Variants in WDR81 observed in about 807,000 individuals in gnomAD.
WDR81 encodes WD repeat domain 81, also known as WD repeat-containing protein 81.
WDR81 carries 92 observed loss-of-function variants against 140.8 expected under a neutral mutation model. The observed-to-expected ratio is 0.65, with a 90% confidence interval of 0.55 to 0.78. The LOEUF (loss-of-function observed/expected upper bound fraction) is 0.78. Among genes scored for constraint, WDR81 ranks in the 30% least tolerant of loss-of-function variants. The probability of loss-of-function intolerance (pLI) is 0.00; values close to 1 mark genes in which losing one functional copy is unlikely to be tolerated. For missense variants in WDR81, 2,502 were observed against 2,636.4 expected (o/e 0.95, Z 1.12); for synonymous variants, 1,183 against 1,156.4 (o/e 1.02, Z -0.47).
rs2151164289 is a variant in WDR81 at position 1,727,581 on chromosome 17, A to T, written c.2622A>T (p.Pro874=). 5 of 1,550,200 alleles carry T rather than the reference A, an allele frequency of 3.2e-6. No homozygotes were observed. The highest frequency in any genetic ancestry group is 1.4e-5 in the African/African-American group (1 of 73,088). Residue 874 remains proline, a synonymous_variant, in exon 1 of 10, where the codon CCA becomes CCT. Coordinates refer to ENST00000409644, the MANE Select transcript of WDR81 (RefSeq NM_001163809.2). ...LSPFSSVVPF[P]PYFPALHRFI... is the part of the protein sequence containing the mutation. ...CCTTCAGCTCCGTGGTTCCCTTCCC[A>T]CCCTACTTCCCGGCACTGCACAGAT...
chr17:1,735,813 C>G lies in WDR81; in HGVS notation c.5325+96C>G. 1 of 1,488,378 alleles carries G rather than the reference C, an allele frequency of 6.7e-7. No homozygotes were observed. The highest frequency in any genetic ancestry group is 9.0e-7 in the Non-Finnish European group (1 of 1,109,580). The allele number at this position is 1,488,378 out of a possible 1,614,324, so 92.2% of individuals were successfully genotyped here. A position where few individuals can be genotyped will look rare whatever the true frequency, so the allele number is the denominator to read the frequency against. On this transcript the variant is annotated intron_variant, in intron 8 of 9. Coordinates refer to ENST00000409644, the MANE Select transcript of WDR81 (RefSeq NM_001163809.2). The surrounding 1 kb of genome is among the most constrained non-coding windows in gnomAD (Gnocchi z 4.2). ...AAAAACAGAAAGCCAGGATGTTGTT[C>G]TGGGGCCCTAGTTAGTTTCTCTTTG...
In WDR81 at chr17:1,737,764, A is replaced by C; in HGVS notation, c.*79A>C. 1 of 1,480,228 alleles carries C rather than the reference A, an allele frequency of 6.8e-7. No homozygotes were observed. Among genetic ancestry groups the C allele is most frequent in the Admixed American group, 2.2e-5 (1 of 46,198 alleles). 91.7% of individuals were successfully genotyped at this position (1,480,228 alleles called of 1,614,324 possible). ...CCACTCACCCTGTTCCCTGAGCAGC[A>C]GCTCCCTCCAGGGAGGCCCTGGGTC... is the stretch of plus-strand genomic sequence containing the variant. On this transcript the variant is annotated 3_prime_UTR_variant, in exon 10 of 10. Transcript: ENST00000409644.
Position 1,732,894 on chromosome 17 carries a change from A to G in WDR81, c.4489+63A>G. 2.0e-6 allele frequency: 3 copies of G among 1,535,046 alleles called. No individual in the cohort carries two copies. The South Asian group carries it at 3.8e-5, about 19-fold the overall frequency. On this transcript the variant is annotated intron_variant, in intron 6 of 9. Coordinates refer to ENST00000409644, the MANE Select transcript of WDR81 (RefSeq NM_001163809.2). ...GCTGTCTCCTCCCTTGGGAGGCCCC[A>G]TTCTCTGCCCTTGCCCCAGAGTCAG...
In WDR81 at chr17:1,728,463, G is replaced by A. The variant is rs747606152; in HGVS notation, c.3504G>A (p.Glu1168=). The A allele has an allele frequency of 1.9e-6, 3 of 1,610,494 alleles. No homozygotes were observed. Among genetic ancestry groups the A allele is most frequent in the Non-Finnish European group, 1.7e-6 (2 of 1,177,926 alleles). ...EEDSCVVLEE[E]EGEQEEVTGA... ...ACAGCTGCGTGGTGCTAGAGGAGGA[G>A]GAGGGGGAGCAGGAGGAGGTCACCG... Residue 1168 remains glutamate, a synonymous_variant, in exon 1 of 10, where the codon GAG becomes GAA. Transcript: ENST00000409644.
Position 1,725,609 on chromosome 17 carries a change from G to C in WDR81, c.650G>C (p.Ser217Thr). 6.5e-7 allele frequency: 1 copy of C among 1,545,332 alleles called. No individual in the cohort carries two copies. The highest frequency in any genetic ancestry group is 8.7e-7 in the Non-Finnish European group (1 of 1,146,966). The change falls in exon 1 of 10, where the codon AGT becomes ACT. Residue 217 changes from serine (S) to threonine (T), a missense_variant. Coordinates refer to ENST00000409644, the MANE Select transcript of WDR81 (RefSeq NM_001163809.2). Reference sequence around the variant, plus strand: ...CCTCGGGGCAGCCCTGCTTGCCCTAGTCTTTTACGGGCTGAGGCCTTGCTG... The same window carrying C: ...CCTCGGGGCAGCCCTGCTTGCCCTACTCTTTTACGGGCTGAGGCCTTGCTG... ...CPPRGSPACPSLLRAEALLES... is the reference protein window; with the variant it reads ...CPPRGSPACPTLLRAEALLES...
In WDR81 at chr17:1,727,533, C is replaced by G; in HGVS notation, c.2574C>G (p.Pro858=). 6.4e-7 allele frequency: 1 copy of G among 1,550,444 alleles called. No individual in the cohort carries two copies. The highest frequency in any genetic ancestry group is 8.7e-7 in the Non-Finnish European group (1 of 1,147,000). Residue 858 remains proline, a synonymous_variant, in exon 1 of 10, where the codon CCC becomes CCG. Transcript: ENST00000409644. ...YRPVSQGLPP[P]CPSQLLSPFS... is the part of the protein sequence containing the mutation. ...CTGTCTCCCAGGGCCTGCCCCCACCCTGCCCAAGCCAGCTTCTCAGCCCCT... is the reference window on the plus strand; with the variant it reads ...CTGTCTCCCAGGGCCTGCCCCCACCGTGCCCAAGCCAGCTTCTCAGCCCCT...
intron 1 of WDR81, among the ~76,000 whole-genome samples, chr17:1,717,586 A>G (rs1242922497): frequency 6.6e-6 from 1 of 152,182 alleles, no homozygotes; most frequent in East Asian, 1.9e-4. Flanking sequence ...GCGCCCCAGT[A>G]ACAGCTGATT....
Position 1,726,754 on chromosome 17 carries a change from GC to G in WDR81, c.1800del (p.Glu601SerfsTer38). 2 of 1,547,540 alleles carry G rather than the reference GC, an allele frequency of 1.3e-6. No individual in the cohort carries two copies. The highest frequency in any genetic ancestry group is 8.7e-7 in the Non-Finnish European group (1 of 1,146,422). ...PQRLAGAPAL[A>X]PEPPLIPKLL... is the part of the protein sequence containing the mutation. ...GCGCCTGGCTGGGGCTCCTGCCCTT[GC>G]CCCCGAGCCTCCCCTCATCCCCAAG... On this transcript the variant is annotated frameshift_variant, in exon 1 of 10. Coordinates refer to ENST00000409644, the MANE Select transcript of WDR81 (RefSeq NM_001163809.2). LOFTEE classifies it high-confidence loss of function.
Position 1,738,048 on chromosome 17 carries a change from C to G in WDR81, c.*363C>G. ...GGAAGGGAGACTGGCCCTGCCCAGC[C>G]GGTCTCTAGCCCCTCAGCCCCCGCT... is the stretch of plus-strand genomic sequence containing the variant. On this transcript the variant is annotated 3_prime_UTR_variant, in exon 10 of 10. Transcript: ENST00000409644. The G allele has an allele frequency of 3.0e-6, 1 of 336,358 alleles. No homozygotes were observed. Among genetic ancestry groups the G allele is most frequent in the East Asian group, 6.7e-5 (1 of 14,980 alleles). 20.8% of individuals were successfully genotyped at this position (336,358 alleles called of 1,614,324 possible). A position where few individuals can be genotyped will look rare whatever the true frequency, so the allele number is the denominator to read the frequency against.
Position 1,726,815 on chromosome 17 carries a change from G to T in WDR81, c.1856G>T (p.Arg619Leu), listed in dbSNP as rs1374789355. 6.5e-7 allele frequency: 1 copy of T among 1,549,700 alleles called. No homozygotes were observed. Among genetic ancestry groups the T allele is most frequent in the Non-Finnish European group, 8.7e-7 (1 of 1,146,872 alleles). ...CAGACCATCCAGGAGACCACAGGCC[G>T]GGAGGACTTCACGGAAAACCCGGGA... ...LVQTIQETTG[R>L]EDFTENPGQL... Residue 619 changes from arginine (R) to leucine (L), a missense_variant, in exon 1 of 10, where the codon CGG becomes CTG. Physicochemically the swap from Arg to Leu is moderately radical, Grantham distance 102. Transcript: ENST00000409644.
upstream of WDR81, among the ~76,000 whole-genome samples, chr17:1,721,642 CA>C (rs1344925374): frequency 6.7e-6 from 1 of 150,122 alleles, no homozygotes; most frequent in Non-Finnish European, 1.5e-5. Context: ...GGAAACATGG[CA>C]AAACCTGGTT....
chr17:1,727,356 C>T lies in WDR81; in HGVS notation c.2397C>T (p.Arg799=), dbSNP rs1382225292. ...AGCCCGATGCACCTTTGTGGGTACG[C>T]TTCCAGGCTGTCCGAGGGCTCTGCA... ...TLQPDAPLWV[R]FQAVRGLCTR... The change falls in exon 1 of 10, where the codon CGC becomes CGT. Residue 799 remains arginine, a synonymous_variant. Transcript: ENST00000409644. The T allele has an allele frequency of 2.6e-6, 4 of 1,550,134 alleles. No individual in the cohort carries two copies. The highest frequency in any genetic ancestry group is 3.5e-6 in the Non-Finnish European group (4 of 1,146,976).
At chr17:1,737,283 G>T (rs969123041) in intron 9 of WDR81, 82 bp from the exon 10 acceptor site, 2 of 1,385,788 alleles carry the variant, frequency 1.4e-6, no homozygotes, top group South Asian at 1.5e-5. Context: ...GAGAAACTGC[G>T]GAGGGAACTG....
chr17:1,733,820 A>T lies in WDR81; in HGVS notation c.4783A>T (p.Ser1595Cys), dbSNP rs765928103. 5.6e-6 allele frequency: 9 copies of T among 1,612,308 alleles called. No homozygotes were observed. The highest frequency in any genetic ancestry group is 7.6e-6 in the Non-Finnish European group (9 of 1,179,668). The change falls in exon 7 of 10, where the codon AGC becomes TGC. Residue 1595 changes from serine to cysteine, a missense_variant. Transcript: ENST00000409644. ...ISGVGGGGLG[S>C]GSDDNALKQE... The stretch of plus-strand genomic sequence containing the variant: ...GGGGGTGGGTGGCGGGGGCCTGGGC[A>T]GCGGGAGCGACGACAACGCCCTGAA...
In WDR81 at chr17:1,727,072, A is replaced by C. The variant is rs776736989; in HGVS notation, c.2113A>C (p.Lys705Gln). 1.3e-6 allele frequency: 2 copies of C among 1,549,870 alleles called. No individual in the cohort carries two copies. The highest frequency in any genetic ancestry group is 1.7e-6 in the Non-Finnish European group (2 of 1,146,756). The change falls in exon 1 of 10, where the codon AAA becomes CAA. Residue 705 changes from lysine to glutamine, a missense_variant. Lys to Gln is a moderately conservative substitution (Grantham distance 53). Transcript: ENST00000409644. ...ASASRPGRRN[K>Q]AAGADPGEGE... ...AGCCTCCCGTCCAGGCCGCAGGAAT[A>C]AAGCTGCTGGGGCAGACCCTGGGGA...
rs780462628 is a variant in WDR81, at chr17:1,726,979, A to G, written c.2020A>G (p.Lys674Glu). The G allele has an allele frequency of 6.4e-7, 1 of 1,550,438 alleles. No homozygotes were observed. The highest frequency in any genetic ancestry group is 1.2e-5 in the South Asian group (1 of 84,066). Residue 674 changes from lysine to glutamate, a missense_variant, in exon 1 of 10, where the codon AAA becomes GAA. Transcript: ENST00000409644. ...TCTGGATTCCATTTCCCTTGCTGGG[A>G]AAGCAGGTGACCAGCTGGGCTCCTC... ...EALDSISLAGKAGDQLGSSSQ... is the reference protein window; with the variant it reads ...EALDSISLAGEAGDQLGSSSQ...
rs1475398604 is a variant in WDR81, at chr17:1,733,929, A to G, written c.4892A>G (p.Asp1631Gly). The G allele has an allele frequency of 6.2e-7, 1 of 1,612,640 alleles. No individual in the cohort carries two copies. Among genetic ancestry groups the G allele is most frequent in the South Asian group, 1.1e-5 (1 of 91,084 alleles). Residue 1631 changes from aspartate to glycine, a missense_variant, in exon 7 of 10, where the codon GAT (aspartate) becomes GGT (glycine). Around this residue, in one of 3 missense-constraint regions of WDR81, gnomAD observed 1,737 missense variants for 1,843.0 expected, o/e 0.94. Coordinates refer to ENST00000409644, the MANE Select transcript of WDR81 (RefSeq NM_001163809.2). ...TACGAGATCGGCGTGAGCCAGCAGG[A>G]TGCCCACTTTCACTTCCACCAGATC... is the stretch of plus-strand genomic sequence containing the variant. The part of the protein sequence containing the change: ...WQYEIGVSQQ[D>G]AHFHFHQIRL...
chr17:1,732,611 T>C (rs1904450327), intron 5 of WDR81, 55 bp from the exon 6 acceptor site: 1 of 1,558,890 alleles, frequency 6.4e-7, no homozygotes, highest in Non-Finnish European at 8.7e-7. Context: ...AGGACCAGGG[T>C]GGGCCAGGGT....
chr17:1,717,326 G>A (rs547070814), intron 1 of WDR81, among the ~76,000 whole-genome samples: 3 of 152,248 alleles, frequency 2.0e-5, no homozygotes, highest in East Asian at 3.9e-4. Context: ...GGGGCAAGCC[G>A]GAGACCTGCC....
Sources: allele counts gnomAD v4.1 joint callset (sites outside exome capture counted in the v4.1 genomes callset), GRCh38; gene constraint gnomAD v4.1.1; regional missense constraint gnomAD v4.1.1; non-coding constraint Gnocchi (gnomAD v3.1); transcripts MANE v1.5; gene names NCBI Gene and HGNC (gene_info 2026-07-23, HGNC 2026-07-21).